WWTR1: variants seen among roughly 807,000 people sequenced by gnomAD.
The protein encoded by WWTR1 is WW domain containing transcription regulator 1, also known as WW domain-containing transcription regulator protein 1.
Under a neutral mutation model 40.1 loss-of-function variants are expected in WWTR1, and 13 were observed. The ratio of observed to expected loss-of-function variants is 0.32; its 90% CI spans 0.21 to 0.52. The LOEUF is 0.52. Ranked by LOEUF, WWTR1 falls within the 20% of genes least tolerant of loss-of-function variation. The pLI is 0.97. For missense variants in WWTR1, 436 were observed against 523.1 expected (o/e 0.83, Z 1.63); for synonymous variants, 230 against 210.1 (o/e 1.09, Z -0.82).
At chr3:149,706,454 G>T (rs1715338823), upstream of WWTR1, among the ~76,000 whole-genome samples, 1 of 152,028 alleles carries the variant, frequency 6.6e-6, no homozygotes, top group Admixed American at 6.6e-5. Flanking sequence ...GAGTAGCTGG[G>T]ATTATAGGCA....
intron 2 of WWTR1, among the ~76,000 whole-genome samples, chr3:149,592,775 G>A (rs560984770): frequency 6.6e-5 from 10 of 152,196 alleles, no homozygotes; most frequent in Middle Eastern, 3.4e-3. Context: ...GTGTGCTTTC[G>A]AAATAAAGCT....
At chr3:149,599,704 A>T (rs1368791512) in intron 2 of WWTR1, among the ~76,000 whole-genome samples, 1 of 152,244 alleles carries the variant, frequency 6.6e-6, no homozygotes, top group East Asian at 1.9e-4. Flanking sequence ...AGTATCATTA[A>T]ATCAAAAATT....
At chr3:149,663,792 G>A (rs1713688805) in intron 2 of WWTR1, among the ~76,000 whole-genome samples, 1 of 152,096 alleles carries the variant, frequency 6.6e-6, no homozygotes, top group African/African-American at 2.4e-5. Flanking sequence ...TCCTCTTTCA[G>A]CACCCATTAG....
At chr3:149,600,799 T>C (rs1053454867) in intron 2 of WWTR1, among the ~76,000 whole-genome samples, 1 of 152,212 alleles carries the variant, frequency 6.6e-6, no homozygotes, top group African/African-American at 2.4e-5. Flanking sequence ...GCTCCTACTT[T>C]CTGTTTCATG....
At chr3:149,526,553 C>A (rs150853250) in intron 5 of WWTR1, among the ~76,000 whole-genome samples, 4 of 152,046 alleles carry the variant, frequency 2.6e-5, no homozygotes, top group Non-Finnish European at 5.9e-5. Context: ...GGAAAAGAAA[C>A]GAGATTTCAG....
Position 149,602,972 on chromosome 3 carries a change from T to A in WWTR1, c.432-29972A>T, listed in dbSNP as rs1047708725. 2.0e-5 allele frequency among the ~76,000 whole-genome samples: 3 copies of A among 150,492 alleles called. No homozygotes were observed. In the East Asian group the frequency reaches 5.9e-4, roughly 30 times the overall value. On this transcript the variant is annotated intron_variant, in intron 2 of 6. Transcript: ENST00000360632. ...ACTGTGCCCGGCCAGAAAAGCCTAA[T>A]TTTAAAGCCAAAGATAAATAAATAA...
chr3:149,528,112 G>C, intron 4 of WWTR1, 143 bp from the exon 5 acceptor site: 1 of 1,074,578 alleles, frequency 9.3e-7, no homozygotes, highest in Non-Finnish European at 1.3e-6. Context: ...GCAACCATTA[G>C]TATTCTTTCT....
At position 149,558,327 on chromosome 3, in the gene WWTR1, T is replaced by C. The variant is rs374834270; in HGVS notation, c.568+14537A>G. 7.9e-5 allele frequency among the ~76,000 whole-genome samples: 12 copies of C among 152,264 alleles called. 1 individual carries two copies. The East Asian group carries it at 1.7e-3, about 22-fold the overall frequency. On this transcript the variant is annotated intron_variant, in intron 3 of 6. Coordinates refer to ENST00000360632, the MANE Select transcript of WWTR1 (RefSeq NM_015472.6). ...CTGTGTGTATATAGCTGCACAGATA[T>C]ATTATGTGTCAAATAAATAATGTTC...
intron 1 of WWTR1, among the ~76,000 whole-genome samples, chr3:149,685,760 T>C (rs566820954): frequency 6.6e-6 from 1 of 152,344 alleles, no homozygotes; most frequent in East Asian, 1.9e-4. Context: ...CTCTAGTACA[T>C]ACTCAACATC....
chr3:149,707,610 C>A (rs1202150082), upstream of WWTR1, among the ~76,000 whole-genome samples: 1 of 152,138 alleles, frequency 6.6e-6, no homozygotes, highest in Non-Finnish European at 1.5e-5. Flanking sequence ...CCAGAACACT[C>A]TGAGGGCCTC....
At chr3:149,582,790 T>G (rs1738216836) in intron 2 of WWTR1, among the ~76,000 whole-genome samples, 1 of 152,154 alleles carries the variant, frequency 6.6e-6, no homozygotes, top group Admixed American at 6.6e-5. Flanking sequence ...TTTATTGTGT[T>G]GGAACTCCAC....
At chr3:149,649,654 C>T (rs938281133) in intron 2 of WWTR1, among the ~76,000 whole-genome samples, 11 of 152,098 alleles carry the variant, frequency 7.2e-5, no homozygotes, top group Admixed American at 3.3e-4. Context: ...CAGTGGCTCA[C>T]GCCTGTAATC....
intron 2 of WWTR1, among the ~76,000 whole-genome samples, chr3:149,594,508 C>G (rs1296361663): frequency 6.6e-6 from 1 of 152,128 alleles, no homozygotes; most frequent in African/African-American, 2.4e-5. Flanking sequence ...ATCATTTATG[C>G]TGTATTTTTG....
chr3:149,582,430 T>C (rs1738193603), intron 2 of WWTR1, among the ~76,000 whole-genome samples: 1 of 151,934 alleles, frequency 6.6e-6, no homozygotes, highest in Non-Finnish European at 1.5e-5. Flanking sequence ...AATAATGCTA[T>C]TAAAAAATGT....
intron 1 of WWTR1, among the ~76,000 whole-genome samples, chr3:149,697,762 G>A (rs1255530451): frequency 1.3e-5 from 2 of 152,108 alleles, no homozygotes; most frequent in Non-Finnish European, 2.9e-5. Context: ...GAAACTCAAG[G>A]CCAAGTTCCT....
intron 1 of WWTR1, among the ~76,000 whole-genome samples, chr3:149,697,822 T>C (rs1715041547): frequency 1.3e-5 from 2 of 152,254 alleles, no homozygotes; most frequent in Non-Finnish European, 2.9e-5. Flanking sequence ...AATTCAAAGA[T>C]ACAGTGGTAG....
chr3:149,617,008 G>A (rs574982927), intron 2 of WWTR1, among the ~76,000 whole-genome samples: 3 of 152,238 alleles, frequency 2.0e-5, no homozygotes, highest in African/African-American at 7.2e-5. Context: ...CCAAGAAAAT[G>A]CGAAACTAAT....
intron 2 of WWTR1, among the ~76,000 whole-genome samples, chr3:149,586,288 C>G (rs908712000): frequency 1.3e-5 from 2 of 151,610 alleles, no homozygotes. Flanking sequence ...AAGTTAGTAG[C>G]ATTAGAATAA....
intron 4 of WWTR1, among the ~76,000 whole-genome samples, chr3:149,718,383 T>C (rs1715664139): frequency 6.6e-6 from 1 of 152,254 alleles, no homozygotes; most frequent in African/African-American, 2.4e-5. Context: ...CACTAGTCTC[T>C]GTTCACACAG....
Sources: allele counts gnomAD v4.1 joint callset (sites outside exome capture counted in the v4.1 genomes callset), GRCh38; gene constraint gnomAD v4.1.1; transcripts MANE v1.5; gene names NCBI Gene and HGNC (gene_info 2026-07-23, HGNC 2026-07-21).